IRAG1: variants seen among roughly 807,000 people sequenced by gnomAD.
The protein encoded by IRAG1 is inositol 1,4,5-triphosphate receptor associated 1, also known as IP3R-associated cGMP kinase substrate.
Under a neutral mutation model 106.2 loss-of-function variants are expected in IRAG1, and 62 were observed. The ratio of observed to expected loss-of-function variants is 0.58; its 90% confidence interval spans 0.48 to 0.72. The LOEUF is 0.72. Ranked by LOEUF, IRAG1 falls within the 30% of genes least tolerant of loss-of-function variation. IRAG1 has a pLI of 0.00. For missense variants in IRAG1, 1,064 were observed against 1,140.7 expected, an observed-to-expected ratio of 0.93 and a Z score of 0.97; for synonymous variants, 462 against 443.9, an observed-to-expected ratio of 1.04 and a Z score of -0.51.
intron 10 of IRAG1, among the ~76,000 whole-genome samples, chr11:10,611,289 G>A (rs1854938158): frequency 6.6e-6 from 1 of 152,072 alleles, no homozygotes; most frequent in Non-Finnish European, 1.5e-5. Flanking sequence ...TTCTGTCCTG[G>A]TATTTATAGC....
chr11:10,595,157 T>TTAAAG (rs955894342), intron 15 of IRAG1, among the ~76,000 whole-genome samples: 36 of 109,660 alleles, frequency 3.3e-4, no homozygotes, highest in African/African-American at 9.5e-4. Context: ...ACTCCTGAGC[T>TTAAAG]TAAAGTATCT....
intron 15 of IRAG1, among the ~76,000 whole-genome samples, chr11:10,597,251 T>G (rs763151342): frequency 6.6e-6 from 1 of 152,246 alleles, no homozygotes; most frequent in East Asian, 1.9e-4. Context: ...TTCCTCATTT[T>G]GAGGAGTTCT....
chr11:10,605,102 G>A (rs537044626), intron 12 of IRAG1, among the ~76,000 whole-genome samples: 30 of 152,310 alleles, frequency 2.0e-4, no homozygotes, highest in African/African-American at 6.5e-4. Context: ...GATTCTGTTC[G>A]GTTAAGCTTT....
chr11:10,673,601 T>C (rs961405672), intron 1 of IRAG1, among the ~76,000 whole-genome samples: 1 of 152,136 alleles, frequency 6.6e-6, no homozygotes, highest in African/African-American at 2.4e-5. Flanking sequence ...TCTCTGAATA[T>C]ACTAAAATCC....
In IRAG1 at chr11:10,626,503, A is replaced by T; in HGVS notation, c.831T>A (p.Pro277=). The part of the protein sequence containing the change: ...VSQGRLAPRP[P]PVEKSKEIAI... Reference sequence around the variant, plus strand: ...CAATCTCTTTGGACTTCTCAACTGGAGGAGGACGAGGAGCCAGCCTGCCCT... The same window carrying T: ...CAATCTCTTTGGACTTCTCAACTGGTGGAGGACGAGGAGCCAGCCTGCCCT... Residue 277 remains proline (P), a synonymous_variant, in exon 9 of 21, where the codon CCT becomes CCA. Transcript: ENST00000423302. The T allele has an allele frequency of 1.2e-6, 2 of 1,613,326 alleles. No individual in the cohort carries two copies. The highest frequency in any genetic ancestry group is 2.2e-5 in the East Asian group (1 of 44,872).
intron 3 of IRAG1, among the ~76,000 whole-genome samples, chr11:10,633,277 G>A (rs574020099): frequency 6.8e-4 from 104 of 152,160 alleles, no homozygotes; most frequent in Middle Eastern, 3.4e-3. Context: ...TGGTTTCACT[G>A]TGTTAGCCAG....
intron 1 of IRAG1, among the ~76,000 whole-genome samples, chr11:10,682,195 T>C (rs1461716966): frequency 2.6e-5 from 4 of 152,212 alleles, no homozygotes. Context: ...TGGTGCTCAA[T>C]AAATGACAGT....
intron 18 of IRAG1, among the ~76,000 whole-genome samples, chr11:10,590,760 G>C (rs546577311): frequency 4.6e-5 from 7 of 152,168 alleles, no homozygotes; most frequent in Non-Finnish European, 1.0e-4. Context: ...AAATTGCATA[G>C]ATGCCTAGAA....
chr11:10,680,469 G>A lies in IRAG1; in HGVS notation c.67+13067C>T, dbSNP rs147186395. 7.2e-3 allele frequency among the ~76,000 whole-genome samples: 1,066 copies of A among 147,122 alleles called. 22 individuals are homozygous for A. The highest frequency in any genetic ancestry group is 0.025 in the African/African-American group (993 of 39,474). On this transcript the variant is annotated intron_variant, in intron 1 of 20. Transcript: ENST00000423302. ...AGAAAGGGAAAGAGAAAGAAGGAAGGAAGGAAGGAGAGGAAGGGAGGGAGA... is the reference window on the plus strand; with the variant it reads ...AGAAAGGGAAAGAGAAAGAAGGAAGAAAGGAAGGAGAGGAAGGGAGGGAGA...
At chr11:10,605,797 G>A (rs1009392371) in intron 12 of IRAG1, among the ~76,000 whole-genome samples, 4 of 152,272 alleles carry the variant, frequency 2.6e-5, no homozygotes, top group African/African-American at 7.2e-5. Context: ...TGCCTTACCC[G>A]GCCTTGGTCA....
At position 10,693,486 on chromosome 11, in the gene IRAG1, C is replaced by T. The variant is rs75308010; in HGVS notation, c.67+50G>A. On this transcript the variant is annotated intron_variant, in intron 1 of 20. Transcript: ENST00000423302. The stretch of plus-strand genomic sequence containing the variant: ...CCTTTAAGGAAGAGAAGGTTCCCTC[C>T]GCTTCCCAGCCGAAGAGGCAGGTTA... 4.4e-5 allele frequency: 67 copies of T among 1,534,596 alleles called. No individual in the cohort carries two copies. In the Middle Eastern group the frequency reaches 6.7e-4, roughly 15 times the overall value.
intron 4 of IRAG1, among the ~76,000 whole-genome samples, chr11:10,631,408 T>C (rs984128813): frequency 1.3e-5 from 2 of 152,240 alleles, no homozygotes; most frequent in African/African-American, 4.8e-5. Context: ...TCCTCTGGAA[T>C]ACCTTCCTAA....
intron 2 of IRAG1, among the ~76,000 whole-genome samples, chr11:10,640,341 A>G (rs1214040081): frequency 6.6e-6 from 1 of 152,238 alleles, no homozygotes; most frequent in Non-Finnish European, 1.5e-5. Context: ...CAAAGCAGGA[A>G]GCATAAAGCG....
Position 10,680,548 on chromosome 11 carries a change from G to A in IRAG1, c.67+12988C>T, listed in dbSNP as rs368972836. Among the ~76,000 whole-genome samples the A allele has an allele frequency of 3.9e-3, 552 of 142,980 alleles. 3 individuals are homozygous for A. Among genetic ancestry groups the A allele is most frequent in the African/African-American group, 0.011 (431 of 38,554 alleles). 93.8% of individuals were successfully genotyped at this position (142,980 alleles called of 152,430 possible). A position where few individuals can be genotyped will look rare whatever the true frequency, so the allele number is the denominator to read the frequency against. On this transcript the variant is annotated intron_variant, in intron 1 of 20. Coordinates refer to ENST00000423302, the MANE Select transcript of IRAG1 (RefSeq NM_130385.4). ...GAAAGGAAGGAAGGAAGGGGAAGGG[G>A]AAGGGGAAGGGGAAGGGGAAGGGAA...
Position 10,603,109 on chromosome 11 carries a change from G to A in IRAG1, c.1875+11C>T. ...ACAGAGTTGGCAAGACCGGGGGCTG[G>A]AGAGACTCACCTGGCGGACGGCGCC... is the stretch of plus-strand genomic sequence containing the variant. On this transcript the variant is annotated intron_variant, in intron 14 of 20. Coordinates refer to ENST00000423302, the MANE Select transcript of IRAG1 (RefSeq NM_130385.4). The A allele has an allele frequency of 1.2e-6, 2 of 1,607,382 alleles. No homozygotes were observed. The highest frequency in any genetic ancestry group is 1.7e-6 in the Non-Finnish European group (2 of 1,177,494).
chr11:10,595,724 C>G (rs1853226980), intron 15 of IRAG1: 1 of 152,100 alleles, frequency 6.6e-6, no homozygotes, highest in South Asian at 2.1e-4. Context: ...ATTTTAGGTT[C>G]AGGGTACATG....
At chr11:10,584,043 G>A (rs1851669108) in intron 18 of IRAG1, among the ~76,000 whole-genome samples, 1 of 152,124 alleles carries the variant, frequency 6.6e-6, no homozygotes, top group Admixed American at 6.5e-5. Context: ...ATCATTGCAG[G>A]TATGGGATCA....
chr11:10,642,725 A>G (rs1172975720), intron 2 of IRAG1, among the ~76,000 whole-genome samples: 1 of 152,238 alleles, frequency 6.6e-6, no homozygotes, highest in South Asian at 2.1e-4. Context: ...AGCAATAATA[A>G]TGACGGTGAA....
intron 13 of IRAG1, among the ~76,000 whole-genome samples, chr11:10,603,496 T>C (rs975605570): frequency 1.3e-5 from 2 of 152,176 alleles, no homozygotes; most frequent in East Asian, 3.9e-4. Flanking sequence ...GGGAATCGAA[T>C]GCTGCTGCTG....
Sources: allele counts gnomAD v4.1 joint callset (sites outside exome capture counted in the v4.1 genomes callset), GRCh38; gene constraint gnomAD v4.1.1; transcripts MANE v1.5; gene names NCBI Gene and HGNC (gene_info 2026-07-23, HGNC 2026-07-21).